The following GLIS3 variants were observed in gnomAD, a reference collection of about 807,000 sequenced individuals.
GLIS3 encodes GLIS family zinc finger 3.
In GLIS3, 53 loss-of-function variants were observed where a neutral mutation model predicts 78.6. The observed-to-expected ratio is 0.67, with a 90% CI of 0.54 to 0.85. The LOEUF (loss-of-function observed/expected upper bound fraction) is 0.85. Among genes scored for constraint, GLIS3 ranks in the 40% least tolerant of loss-of-function variants. The pLI is 0.00. For synonymous variants in GLIS3, 684 were observed against 509.9 expected (o/e 1.34, Z -4.60); for missense variants, 1,703 against 1,231.1 (o/e 1.38, Z -5.74).
chr9:4,363,447 T>G, the GLIS3 span, among the ~76,000 whole-genome samples: 1 of 152,188 alleles, frequency 6.6e-6, no homozygotes, highest in Non-Finnish European at 1.5e-5. Context: ...TTGGTTGTTT[T>G]AACACCAAAA....
chr9:3,861,062 C>G (rs1416961770), intron 8 of GLIS3, among the ~76,000 whole-genome samples: 1 of 152,116 alleles, frequency 6.6e-6, no homozygotes. Flanking sequence ...GTACTTAATA[C>G]AATGAAAGTC....
At chr9:4,191,109 G>A (rs2131218384) in intron 2 of GLIS3, among the ~76,000 whole-genome samples, 1 of 150,842 alleles carries the variant, frequency 6.6e-6, no homozygotes, top group South Asian at 2.2e-4. Flanking sequence ...TCGAGACTAG[G>A]AAGAAACTGC....
At chr9:4,143,151 T>C (rs945559627) in intron 2 of GLIS3, among the ~76,000 whole-genome samples, 17 of 152,154 alleles carry the variant, frequency 1.1e-4, no homozygotes, top group East Asian at 1.9e-4. Context: ...TGATTTGACA[T>C]ACGTACACAC....
intron 2 of GLIS3, among the ~76,000 whole-genome samples, chr9:4,328,539 G>C (rs1410127002): frequency 6.6e-6 from 1 of 152,182 alleles, no homozygotes; most frequent in Non-Finnish European, 1.5e-5. Context: ...CTCCATAAAG[G>C]GGAAATCTAG....
intron 4 of GLIS3, among the ~76,000 whole-genome samples, chr9:3,994,763 C>T (rs1444386804): frequency 6.6e-6 from 1 of 152,166 alleles, no homozygotes; most frequent in Non-Finnish European, 1.5e-5. Flanking sequence ...CTTTCCCCAG[C>T]AATATGGCAA....
At chr9:4,448,229 A>T in the GLIS3 span, among the ~76,000 whole-genome samples, 1 of 152,020 alleles carries the variant, frequency 6.6e-6, no homozygotes, top group Admixed American at 6.5e-5. Flanking sequence ...CCCCATTCCC[A>T]TTTGCCTATT....
rs774922691 is a variant in GLIS3 at position 4,118,566 on chromosome 9, G to C, written c.912C>G (p.Ser304=). 2 of 1,614,254 alleles carry C rather than the reference G, an allele frequency of 1.2e-6. No individual in the cohort carries two copies. Among genetic ancestry groups the C allele is most frequent in the Non-Finnish European group, 1.7e-6 (2 of 1,180,042 alleles). ...CGATGCCATCGGACAGCGGGGACAA[G>C]GACAGCGCTCTCTTCTTGGAGCGGG... ...HSARSKKRAL[S]LSPLSDGIGI... is the part of the protein sequence containing the mutation. Residue 304 remains serine (S), a synonymous_variant, in exon 4 of 11, where the codon TCC becomes TCG. Transcript: ENST00000381971. This position sits in a 1 kb window ranked among gnomAD's most constrained non-coding sequence, Gnocchi z 4.7.
At chr9:4,075,046 A>G (rs918614052) in intron 4 of GLIS3, among the ~76,000 whole-genome samples, 10 of 152,056 alleles carry the variant, frequency 6.6e-5, no homozygotes, top group African/African-American at 2.4e-4. Flanking sequence ...CCATAGGAAG[A>G]AAATTCATTC....
At chr9:4,408,726 C>CAAAAAA in the GLIS3 span, among the ~76,000 whole-genome samples, 1 of 56,722 alleles carries the variant, frequency 1.8e-5, no homozygotes, top group Non-Finnish European at 3.6e-5. Context: ...GACTCTGTCT[C>CAAAAAA]AAAAAAAAAA....
chr9:3,900,441 ACTTGT>A (rs763761509), intron 6 of GLIS3, among the ~76,000 whole-genome samples: 1 of 150,754 alleles, frequency 6.6e-6, no homozygotes, highest in African/African-American at 2.4e-5. Context: ...TGATTCTAGA[ACTTGT>A]CTTAAGGAAA....
chr9:3,829,304 A>C lies in GLIS3; in HGVS notation c.2656+6T>G, dbSNP rs1817906147. ...GGATTTTCTAAGTCACAGACAACCA[A>C]CACACCTGTAATGCCCGAGTGAGTC... is the stretch of plus-strand genomic sequence containing the variant. On this transcript the variant is annotated splice_donor_region_variant and intron_variant, in intron 10 of 10. Transcript: ENST00000381971. 1.9e-6 allele frequency: 3 copies of C among 1,613,500 alleles called. No homozygotes were observed. Among genetic ancestry groups the C allele is most frequent in the Admixed American group, 1.7e-5 (1 of 59,988 alleles).
the GLIS3 span, among the ~76,000 whole-genome samples, chr9:4,416,037 T>C: frequency 6.6e-6 from 1 of 150,392 alleles, no homozygotes; most frequent in Non-Finnish European, 1.5e-5. Flanking sequence ...ATTTATATCT[T>C]ATATAAGCCG....
intron 6 of GLIS3, among the ~76,000 whole-genome samples, chr9:3,911,771 G>T (rs1824170443): frequency 1.3e-5 from 2 of 152,146 alleles, no homozygotes; most frequent in South Asian, 4.2e-4. Flanking sequence ...GATAACATGA[G>T]ATAAGAAAGC....
At chr9:4,186,499 T>G (rs1348427381) in intron 2 of GLIS3, among the ~76,000 whole-genome samples, 2 of 152,128 alleles carry the variant, frequency 1.3e-5, no homozygotes, top group African/African-American at 4.8e-5. Flanking sequence ...TTTATAATCC[T>G]TTGGGTATAT....
intron 2 of GLIS3, among the ~76,000 whole-genome samples, chr9:4,136,705 A>G (rs142330642): frequency 6.6e-6 from 1 of 152,184 alleles, no homozygotes; most frequent in African/African-American, 2.4e-5. Flanking sequence ...GAAAGGGAGG[A>G]GGCACAATGC....
At chr9:4,276,366 G>C (rs1221575721) in intron 2 of GLIS3, among the ~76,000 whole-genome samples, 4 of 73,318 alleles carry the variant, frequency 5.5e-5, no homozygotes, top group Non-Finnish European at 1.1e-4. Flanking sequence ...GGGAAGGAGA[G>C]GGCACGGGAG....
At chr9:4,384,002 G>C in the GLIS3 span, among the ~76,000 whole-genome samples, 1 of 152,198 alleles carries the variant, frequency 6.6e-6, no homozygotes, top group South Asian at 2.1e-4. Context: ...CCACTTCTCA[G>C]GGAGTTTGTG....
chr9:4,333,737 C>A (rs150214503), intron 2 of GLIS3, among the ~76,000 whole-genome samples: 2 of 109,328 alleles, frequency 1.8e-5, no homozygotes, highest in Non-Finnish European at 3.6e-5. Flanking sequence ...AATGTGATGC[C>A]CCCCCCCACC....
chr9:4,188,038 A>T (rs1461854918), intron 2 of GLIS3, among the ~76,000 whole-genome samples: 1 of 152,042 alleles, frequency 6.6e-6, no homozygotes, highest in Non-Finnish European at 1.5e-5. Context: ...ACTATGTTGA[A>T]TAGGAGTGGT....
Sources: gnomAD v4.1 joint callset for allele counts (sites outside exome capture counted in the v4.1 genomes callset) on GRCh38, gnomAD v4.1.1 for gene constraint, Gnocchi (gnomAD v3.1) non-coding constraint, MANE v1.5 for transcripts, NCBI Gene and HGNC (gene_info 2026-07-23, HGNC 2026-07-21) for gene names.